The following NEXN variants were observed in gnomAD, a reference collection of about 807,000 sequenced individuals.
NEXN encodes the protein nexilin F-actin binding protein, also known as nexilin.
A neutral mutation model predicts 92.6 loss-of-function variants in NEXN; 65 were observed. That is an observed-to-expected ratio of 0.70 (90% CI 0.57 to 0.86). The LOEUF is 0.86. Ranked by LOEUF, NEXN falls within the 40% of genes least tolerant of loss-of-function variation. The pLI is 0.00. For missense variants in NEXN, 778 were observed against 771.1 expected (o/e 1.01, Z -0.11); for synonymous variants, 254 against 242.5 (o/e 1.05, Z -0.44).
intron 9 of NEXN, chr1:77,933,031 C>T (rs886850426): frequency 3.1e-6 from 1 of 325,020 alleles, no homozygotes; most frequent in Non-Finnish European, 5.8e-6. Flanking sequence ...CGTGGTGGCG[C>T]ATGCCTGTAA....
chr1:77,901,952 C>A (rs968941552), intron 1 of NEXN, among the ~76,000 whole-genome samples: 39 of 152,200 alleles, frequency 2.6e-4, no homozygotes, highest in African/African-American at 9.4e-4. Flanking sequence ...TAAATAAAGC[C>A]TTTTCTAATC....
At chr1:77,939,503 AG>A (rs773248313) in intron 11 of NEXN, among the ~76,000 whole-genome samples, 2 of 152,222 alleles carry the variant, frequency 1.3e-5, no homozygotes, top group Admixed American at 1.3e-4. Context: ...GGTAAAGAAA[AG>A]TTCAATCAGC....
At chr1:77,923,679 C>CTTTT (rs67301412) in intron 5 of NEXN, among the ~76,000 whole-genome samples, 1 of 83,120 alleles carries the variant, frequency 1.2e-5, no homozygotes, top group Non-Finnish European at 2.5e-5. Flanking sequence ...ATTGAGCTCT[C>CTTTT]TTTTTTTTTT....
At chr1:77,940,428 G>C (rs77227261) in intron 11 of NEXN, among the ~76,000 whole-genome samples, 7,255 of 152,064 alleles carry the variant, frequency 0.048, 230 homozygotes, top group East Asian at 0.11. Context: ...GGCTTTTTAG[G>C]AGCTCAAGAA....
At chr1:77,922,933 TAAAGTATA>T (rs1448932061) in intron 5 of NEXN, among the ~76,000 whole-genome samples, 1 of 151,614 alleles carries the variant, frequency 6.6e-6, no homozygotes, top group East Asian at 1.9e-4. Context: ...AATAAACTAT[TAAAGTATA>T]AAATAGATTT....
chr1:77,914,829 C>A (rs376346491), intron 1 of NEXN, among the ~76,000 whole-genome samples: 25 of 151,070 alleles, frequency 1.7e-4, no homozygotes, highest in African/African-American at 6.1e-4. Context: ...TGCACTCCAG[C>A]CTGGGCAACA....
intron 5 of NEXN, among the ~76,000 whole-genome samples, chr1:77,919,561 C>G (rs762326549): frequency 1.0e-4 from 15 of 150,686 alleles, no homozygotes; most frequent in Non-Finnish European, 1.6e-4. Context: ...CCATGCAAGT[C>G]TGAAATCCAG....
At position 77,942,958 on chromosome 1, in the gene NEXN, CTT is replaced by C; in HGVS notation, c.*130_*131del. On this transcript the variant is annotated 3_prime_UTR_variant, in exon 13 of 13. Transcript: ENST00000334785. ...GAACTTTCTCTTTCACTCCAACTTTCTTACTACATCCATCTTTTCTGTGGCGG... is the reference window on the plus strand; with the variant it reads ...GAACTTTCTCTTTCACTCCAACTTTCACTACATCCATCTTTTCTGTGGCGG... The C allele has an allele frequency of 7.8e-7, 1 of 1,275,140 alleles. No homozygotes were observed. Among genetic ancestry groups the C allele is most frequent in the Non-Finnish European group, 1.1e-6 (1 of 902,796 alleles). The allele number at this position is 1,275,140 out of a possible 1,614,324, so 79.0% of individuals were successfully genotyped here.
rs1651567236 is a variant in NEXN, at chr1:77,943,384, G to C, written c.*555G>C. ...ATTTGAGTGGACTTTTTCTTTAGTA[G>C]TACACCATTTTGGTTGTTGTAGTTT... On this transcript the variant is annotated 3_prime_UTR_variant, in exon 13 of 13. Transcript: ENST00000334785. The C allele has an allele frequency of 6.1e-6, 1 of 164,474 alleles. No individual in the cohort carries two copies. The highest frequency in any genetic ancestry group is 1.3e-5 in the Non-Finnish European group (1 of 75,852). 10.2% of individuals were successfully genotyped at this position (164,474 alleles called of 1,614,324 possible).
intron 10 of NEXN, 116 bp from the exon 11 acceptor site, chr1:77,935,707 C>T: frequency 1.2e-6 from 1 of 840,502 alleles, no homozygotes; most frequent in Non-Finnish European, 1.9e-6. Flanking sequence ...AGTCCCAGCT[C>T]CTTGGGAAGC....
intron 8 of NEXN, among the ~76,000 whole-genome samples, chr1:77,927,706 A>G (rs1649974983): frequency 6.6e-6 from 1 of 151,900 alleles, no homozygotes. Context: ...TAACTGTGTA[A>G]CCATGGACAA....
intron 1 of NEXN, among the ~76,000 whole-genome samples, chr1:77,901,857 G>A (rs1647741766): frequency 6.6e-6 from 1 of 152,096 alleles, no homozygotes; most frequent in Admixed American, 6.6e-5. Context: ...TTCTACCTCA[G>A]TCCTCGCTAA....
intron 1 of NEXN, among the ~76,000 whole-genome samples, chr1:77,893,108 C>A (rs543863443): frequency 6.6e-6 from 1 of 152,196 alleles, no homozygotes; most frequent in East Asian, 1.9e-4. Flanking sequence ...CTCAAGCAAT[C>A]CTCTTGTCTC....
At chr1:77,891,330 T>A (rs1350051374) in intron 1 of NEXN, among the ~76,000 whole-genome samples, 1 of 152,158 alleles carries the variant, frequency 6.6e-6, no homozygotes, top group Non-Finnish European at 1.5e-5. Context: ...CCTTTAAGTC[T>A]TTTTCCCATG....
chr1:77,920,421 G>C (rs966774120), intron 5 of NEXN, among the ~76,000 whole-genome samples: 1 of 151,928 alleles, frequency 6.6e-6, no homozygotes, highest in Admixed American at 6.6e-5. Context: ...TGAATGACTT[G>C]GTGACCTACA....
intron 1 of NEXN, among the ~76,000 whole-genome samples, chr1:77,911,818 C>T (rs1400699976): frequency 6.6e-6 from 1 of 150,842 alleles, no homozygotes; most frequent in Non-Finnish European, 1.5e-5. Flanking sequence ...CACGGTGGCT[C>T]ATGCTTGTAA....
intron 5 of NEXN, among the ~76,000 whole-genome samples, chr1:77,922,911 T>C (rs1396805633): frequency 2.0e-5 from 3 of 151,332 alleles, no homozygotes; most frequent in Non-Finnish European, 4.4e-5. Context: ...TTATTCTTAA[T>C]AAAACTATGA....
chr1:77,922,202 C>T (rs1029763684), intron 5 of NEXN, among the ~76,000 whole-genome samples: 17 of 148,600 alleles, frequency 1.1e-4, no homozygotes, highest in Admixed American at 3.4e-4. Context: ...TGCAGTGGCA[C>T]GATTTCAGCT....
chr1:77,902,044 C>G (rs943715522), intron 1 of NEXN, among the ~76,000 whole-genome samples: 1 of 151,894 alleles, frequency 6.6e-6, no homozygotes, highest in Non-Finnish European at 1.5e-5. Flanking sequence ...ATATTTTATC[C>G]TATTCGTTAT....
Sources: allele counts gnomAD v4.1 joint callset (sites outside exome capture counted in the v4.1 genomes callset), GRCh38; gene constraint gnomAD v4.1.1; transcripts MANE v1.5; gene names NCBI Gene and HGNC (gene_info 2026-07-23, HGNC 2026-07-21).